The following AFF2 variants were observed in gnomAD, a reference collection of about 807,000 sequenced individuals.
The protein encoded by AFF2 is ALF transcription elongation factor 2.
AFF2 carries 14 observed loss-of-function variants against 76.9 expected under a neutral mutation model. That is an observed-to-expected ratio of 0.18 (90% CI 0.12 to 0.28). The LOEUF is 0.28. Among genes scored for constraint, AFF2 ranks in the 10% least tolerant of loss-of-function variants. The probability of loss-of-function intolerance (pLI) is 1.00; values close to 1 mark genes in which losing one functional copy is unlikely to be tolerated. For missense variants in AFF2, 868 were observed against 1,001.1 expected (o/e 0.87, Z 1.79); for synonymous variants, 398 against 366.7 (o/e 1.09, Z -0.98).
chrX:148,910,722 A>G (rs1557281889), intron 9 of AFF2, among the ~76,000 whole-genome samples: 1 of 112,132 alleles, frequency 8.9e-6, no homozygotes, highest in Non-Finnish European at 1.9e-5. Flanking sequence ...AAGGCTGAGT[A>G]GAAATGGTAG....
At chrX:148,724,352 C>T (rs2124545070) in intron 3 of AFF2, among the ~76,000 whole-genome samples, 1 of 111,127 alleles carries the variant, frequency 9.0e-6, no homozygotes, top group Non-Finnish European at 1.9e-5. Context: ...TGTGCTCATC[C>T]TTTGAGAGAG....
At chrX:148,750,690 T>C (rs2124575006) in intron 3 of AFF2, among the ~76,000 whole-genome samples, 1 of 111,919 alleles carries the variant, frequency 8.9e-6, no homozygotes, top group Admixed American at 9.5e-5. Flanking sequence ...AAACTGGGAA[T>C]AATAATAGTT....
At chrX:148,679,839 G>A (rs1557259790) in intron 3 of AFF2, among the ~76,000 whole-genome samples, 1 of 112,032 alleles carries the variant, frequency 8.9e-6, no homozygotes, top group African/African-American at 3.2e-5. Context: ...TCTTCTGAAA[G>A]TAAGTCATTA....
At chrX:148,810,494 AG>A (rs1362521887) in intron 4 of AFF2, among the ~76,000 whole-genome samples, 11 of 112,735 alleles carry the variant, frequency 9.8e-5, no homozygotes, top group Admixed American at 5.6e-4. Flanking sequence ...AACCAAAAGA[AG>A]AAACCAAAGT....
chrX:148,628,613 A>T (rs1372503683), intron 1 of AFF2, among the ~76,000 whole-genome samples: 1 of 111,521 alleles, frequency 9.0e-6, no homozygotes, highest in Admixed American at 9.5e-5. Context: ...CTATGAATGC[A>T]TGGCCTCCTT....
chrX:148,565,834 T>G (rs1167603988), intron 1 of AFF2, among the ~76,000 whole-genome samples: 4 of 110,836 alleles, frequency 3.6e-5, no homozygotes, highest in Admixed American at 1.9e-4. Context: ...CAACAACCCT[T>G]TGTTACATAA....
intron 6 of AFF2, 109 bp downstream of exon 6, chrX:148,843,111 C>A: frequency 1.6e-6 from 1 of 629,997 alleles, no homozygotes; most frequent in Non-Finnish European, 2.4e-6. Flanking sequence ...ACAACAATAA[C>A]AAAAAGTTAT....
chrX:148,951,711 G>A (rs1557286639), intron 9 of AFF2, among the ~76,000 whole-genome samples: 1 of 111,229 alleles, frequency 9.0e-6, no homozygotes, highest in East Asian at 2.8e-4. Flanking sequence ...CAATTGATTA[G>A]ATTTAAAGAG....
chrX:148,809,956 A>T, intron 4 of AFF2, 36 bp downstream of exon 4: 25 of 1,159,849 alleles, frequency 2.2e-5, no homozygotes, highest in Non-Finnish European at 2.8e-5. Flanking sequence ...CCTTTTAATA[A>T]TGAAGCAATC....
chrX:148,653,271 A>G (rs947054656), intron 2 of AFF2, among the ~76,000 whole-genome samples: 68 of 112,202 alleles, frequency 6.1e-4, no homozygotes, highest in African/African-American at 2.0e-3. Context: ...GTTAATTTGT[A>G]TACTACTTTG....
chrX:148,915,054 A>G lies in AFF2; in HGVS notation c.1397+10796A>G, dbSNP rs907646847. Among the ~76,000 whole-genome samples the G allele has an allele frequency of 4.5e-5, 5 of 112,260 alleles. No homozygotes were observed. The South Asian group carries it at 1.9e-3, about 42-fold the overall frequency. ...TTCAGTTGACTACTAGTTTGGGGGG[A>G]CTGAGAACTACAGAAATGACTCATT... On this transcript the variant is annotated intron_variant, in intron 9 of 20. Transcript: ENST00000370460.
At chrX:148,920,633 CGT>C (rs59728216) in intron 9 of AFF2, among the ~76,000 whole-genome samples, 31 of 104,769 alleles carry the variant, frequency 3.0e-4, no homozygotes, top group Admixed American at 9.4e-4. Flanking sequence ...TGTGTGTGCG[CGT>C]GTGTGTGTGT....
At chrX:148,684,359 G>A (rs1382027057) in intron 3 of AFF2, among the ~76,000 whole-genome samples, 1 of 112,227 alleles carries the variant, frequency 8.9e-6, no homozygotes, top group Non-Finnish European at 1.9e-5. Context: ...TAATTTTGAA[G>A]GAAGCTATTG....
intron 8 of AFF2, among the ~76,000 whole-genome samples, chrX:148,899,661 A>C (rs1215761671): frequency 4.5e-5 from 5 of 111,898 alleles, no homozygotes; most frequent in Non-Finnish European, 9.4e-5. Flanking sequence ...GTAGAATGAA[A>C]GGAAAATGCA....
intron 1 of AFF2, among the ~76,000 whole-genome samples, chrX:148,587,915 A>G (rs1331242039): frequency 8.9e-6 from 1 of 112,666 alleles, no homozygotes; most frequent in African/African-American, 3.2e-5. Flanking sequence ...TGCCCGTAGT[A>G]GATGTCACAT....
chrX:148,839,674 G>T (rs2070572046), intron 5 of AFF2, among the ~76,000 whole-genome samples: 2 of 111,604 alleles, frequency 1.8e-5, no homozygotes, highest in Admixed American at 1.9e-4. Context: ...TGTAACAAAG[G>T]TGATTTCCCT....
At position 148,995,177 on chromosome X, in the gene AFF2, A is replaced by G. The variant is rs2072580782; in HGVS notation, c.*3845A>G. On this transcript the variant is annotated 3_prime_UTR_variant, in exon 21 of 21. Transcript: ENST00000370460. ...GTTGTTGTTTCTCATTTTCACTCGC[A>G]CGGCCTTATTCTCATAATTAAAATC... is the stretch of plus-strand genomic sequence containing the variant. 9.0e-6 allele frequency: 1 copy of G among 110,509 alleles called. No individual in the cohort carries two copies. Among genetic ancestry groups the G allele is most frequent in the South Asian group, 3.9e-4 (1 of 2,533 alleles). 9.1% of individuals were successfully genotyped at this position (110,509 alleles called of 1,213,427 possible). A position where few individuals can be genotyped will look rare whatever the true frequency, so the allele number is the denominator to read the frequency against.
intron 3 of AFF2, among the ~76,000 whole-genome samples, chrX:148,774,413 A>T (rs1404541583): frequency 9.0e-6 from 1 of 111,256 alleles, no homozygotes; most frequent in Non-Finnish European, 1.9e-5. Flanking sequence ...GTTCGGAAAG[A>T]TTTGTCTAAC....
chrX:148,766,651 AG>A (rs1229449859), intron 3 of AFF2, among the ~76,000 whole-genome samples: 1 of 108,743 alleles, frequency 9.2e-6, no homozygotes, highest in Admixed American at 9.9e-5. Context: ...CCCATTTTGT[AG>A]GTTGCCTGTT....
Sources: gnomAD v4.1 joint callset for allele counts (sites outside exome capture counted in the v4.1 genomes callset) on GRCh38, gnomAD v4.1.1 for gene constraint, MANE v1.5 for transcripts, NCBI Gene and HGNC (gene_info 2026-07-23, HGNC 2026-07-21) for gene names.